Variants in TAAR9 observed in about 807,000 individuals in gnomAD.
TAAR9 encodes trace amine associated receptor 9.
For synonymous variants in TAAR9, 162 were observed against 152.6 expected (o/e 1.06, Z -0.45); for missense variants, 453 against 409.4 (o/e 1.11, Z -0.92).
At position 132,539,226 on chromosome 6, in the gene TAAR9, T is replaced by C. The variant is rs561454813; in HGVS notation, c.937T>C (p.Phe313Leu). The C allele has an allele frequency of 2.9e-5, 47 of 1,612,310 alleles. No individual in the cohort carries two copies. Among genetic ancestry groups the C allele is most frequent in the South Asian group, 1.3e-4 (12 of 90,716 alleles). The change falls in exon 1 of 1, where the codon TTC (phenylalanine) becomes CTC (leucine). Residue 313 changes from phenylalanine (F) to leucine (L), a missense_variant. Coordinates refer to ENST00000434551, the Ensembl canonical transcript of TAAR9. The stretch of plus-strand genomic sequence containing the variant: ...AGCTATGAACCCCTTGATTTATGCT[T>C]TCTTTTACCAATGGTTTGGGAAGGC...
At chr6:132,539,328 A>C (rs1426219258) in exon 1 of TAAR9, 1 of 1,601,554 alleles carries the variant, frequency 6.2e-7, no homozygotes, top group Non-Finnish European at 8.5e-7. Context: ...AGAAGTAGAG[A>C]CAGATTAAAA....
chr6:132,538,840 T>C (rs1285287859), exon 1 of TAAR9: 1 of 1,613,786 alleles, frequency 6.2e-7, no homozygotes, highest in African/African-American at 1.3e-5. Context: ...GTAGTTGCTC[T>C]AACCTGTGTA....
At position 132,538,875 on chromosome 6, in the gene TAAR9, C is replaced by T. The variant is rs148058947; in HGVS notation, c.586C>T (p.Gln196Ter). The change falls in exon 1 of 1, where the codon CAA becomes TAA. Residue 196 changes from glutamine (Q) to a stop codon, truncating the protein, a stop_gained. Coordinates refer to ENST00000434551, the Ensembl canonical transcript of TAAR9. LOFTEE classifies it low-confidence loss of function (END_TRUNC). Reference sequence around the variant, plus strand: ...AGGAGGCTGCCAGGCTCCACTGAATCAAAACTGGGTCCTACTTTGTTTTCT... The same window carrying T: ...AGGAGGCTGCCAGGCTCCACTGAATTAAAACTGGGTCCTACTTTGTTTTCT... The T allele has an allele frequency of 5.8e-5, 94 of 1,612,626 alleles. No individual in the cohort carries two copies. In the East Asian group the frequency reaches 2.0e-3, roughly 34 times the overall value.
exon 1 of TAAR9, chr6:132,538,810 A>G (rs747171230): frequency 6.2e-7 from 1 of 1,613,882 alleles, no homozygotes; most frequent in Non-Finnish European, 8.5e-7. Context: ...GGAGCCAACG[A>G]AGAAGGAATT....
chr6:132,539,130 G>A, exon 1 of TAAR9: 1 of 1,569,696 alleles, frequency 6.4e-7, no homozygotes, highest in Non-Finnish European at 8.6e-7. Context: ...TGCAGTGATT[G>A]ATGCTTATAT....
exon 1 of TAAR9, chr6:132,539,098 C>T: frequency 6.5e-7 from 1 of 1,546,508 alleles, no homozygotes; most frequent in Non-Finnish European, 8.7e-7. Flanking sequence ...TTTCTTGTCT[C>T]TTGGCTACCA....
At chr6:132,538,630 C>T (rs2114523780) in exon 1 of TAAR9, 1 of 1,593,214 alleles carries the variant, frequency 6.3e-7, no homozygotes, top group Middle Eastern at 1.7e-4. Context: ...TTTGACACAT[C>T]CTTCTGTTTT....
chr6:132,538,350 T>A (rs746992340), exon 1 of TAAR9: 1 of 1,613,498 alleles, frequency 6.2e-7, no homozygotes, highest in South Asian at 1.1e-5. Context: ...CGTGAACGAA[T>A]CCTGCATTAA....
chr6:132,538,612 A>T lies in TAAR9; in HGVS notation c.323A>T (p.His108Leu). 3.8e-6 allele frequency: 6 copies of T among 1,589,966 alleles called. No homozygotes were observed. In the South Asian group the frequency reaches 6.9e-5, roughly 18 times the overall value. The change falls in exon 1 of 1, where the codon CAT becomes CTT. Residue 108 changes from histidine to leucine, a missense_variant. By Grantham distance (99) the His-to-Leu change is moderately conservative. Transcript: ENST00000434551. ...TTTGGGGACAGTTACTGTAAATTCC[A>T]TACATGTTTTGACACATCCTTCTGT...
exon 1 of TAAR9, chr6:132,538,865 T>A: frequency 6.2e-7 from 1 of 1,613,214 alleles, no homozygotes. Flanking sequence ...GCTGCCAGGC[T>A]CCACTGAATC....
Position 132,538,561 on chromosome 6 carries a change from TG to T in TAAR9, c.273del (p.Arg92GlyfsTer47), listed in dbSNP as rs748653127. The T allele has an allele frequency of 1.9e-3, 3,088 of 1,602,462 alleles. 77 individuals carry two copies. The South Asian group carries it at 0.031, about 16-fold the overall frequency. ...GTCACTGTGATGCCCTTCAGCACAG[TG>T]AGGTCTGTGGAGAGCTGTTGGTACT... On this transcript the variant is annotated frameshift_variant, in exon 1 of 1. Coordinates refer to ENST00000434551, the Ensembl canonical transcript of TAAR9. LOFTEE classifies it low-confidence loss of function (END_TRUNC).
exon 1 of TAAR9, chr6:132,538,453 T>C: frequency 1.9e-6 from 3 of 1,613,592 alleles, no homozygotes; most frequent in Non-Finnish European, 2.5e-6. Flanking sequence ...CTGGTCATGA[T>C]TGCTATCCTT....
At position 132,538,656 on chromosome 6, in the gene TAAR9, TTA is replaced by T; in HGVS notation, c.369_370del (p.Cys124LeufsTer5). ...CTTCTGTTTTGCTTCTTTATTTCAT[TTA>T]TGCTGTATCTCTGTTGATAGATACA... On this transcript the variant is annotated frameshift_variant, in exon 1 of 1. Transcript: ENST00000434551. LOFTEE classifies it low-confidence loss of function (END_TRUNC). The T allele has an allele frequency of 6.2e-7, 1 of 1,604,200 alleles. No individual in the cohort carries two copies. Among genetic ancestry groups the T allele is most frequent in the Non-Finnish European group, 8.5e-7 (1 of 1,175,572 alleles).
chr6:132,539,221 A>T, exon 1 of TAAR9: 5 of 1,611,852 alleles, frequency 3.1e-6, no homozygotes, highest in Non-Finnish European at 4.2e-6. Context: ...CCCTTGATTT[A>T]TGCTTTCTTT....
chr6:132,538,869 C>G (rs1776256798), exon 1 of TAAR9: 7 of 1,613,040 alleles, frequency 4.3e-6, no homozygotes, highest in Non-Finnish European at 5.9e-6. Flanking sequence ...CCAGGCTCCA[C>G]TGAATCAAAA....
exon 1 of TAAR9, chr6:132,538,751 T>A: frequency 1.9e-6 from 3 of 1,613,930 alleles, no homozygotes; most frequent in Non-Finnish European, 2.5e-6. Flanking sequence ...TATGCATTGT[T>A]CTTTCCTGGT....
rs762172669 is a variant in TAAR9, at chr6:132,539,327, G to GAAGT, written c.1039_1040insAGTA (p.Thr347LysfsTer?). 3.1e-5 allele frequency: 49 copies of GAAGT among 1,601,954 alleles called. No homozygotes were observed. Among genetic ancestry groups the GAAGT allele is most frequent in the Non-Finnish European group, 4.1e-5 (48 of 1,175,798 alleles). ...CTAATTTATTTTCTGAAGAAGTAGAGACAGATTAAAAACATTACTGTAGAG... is the reference window on the plus strand; with the variant it reads ...CTAATTTATTTTCTGAAGAAGTAGAGAAGTACAGATTAAAAACATTACTGTAGAG... On this transcript the variant is annotated frameshift_variant, in exon 1 of 1. Transcript: ENST00000434551. LOFTEE classifies it high-confidence loss of function.
chr6:132,538,786 C>A lies in TAAR9; in HGVS notation c.497C>A (p.Ser166Ter). ...TTCTTTTCTGTCACATACAGCTTTT[C>A]GATCTTTTACACGGGAGCCAACGAA... The change falls in exon 1 of 1, where the codon TCG becomes TAG. Residue 166 changes from serine to a stop codon, truncating the protein, a stop_gained. Coordinates refer to ENST00000434551, the Ensembl canonical transcript of TAAR9. LOFTEE classifies it low-confidence loss of function (END_TRUNC). 1 of 1,613,816 alleles carries A rather than the reference C, an allele frequency of 6.2e-7. No homozygotes were observed. The highest frequency in any genetic ancestry group is 1.7e-5 in the Admixed American group (1 of 59,990).
chr6:132,538,508 G>C, exon 1 of TAAR9: 2 of 1,612,116 alleles, frequency 1.2e-6, no homozygotes, highest in East Asian at 2.2e-5. Context: ...TGATTGCGTC[G>C]CTGGCCTGTG....
Sources: allele counts gnomAD v4.1 joint callset, GRCh38; gene constraint gnomAD v4.1.1; transcripts MANE v1.5; gene names NCBI Gene and HGNC (gene_info 2026-07-23, HGNC 2026-07-21).